The following ATP1A4 variants were observed in gnomAD, a reference collection of about 807,000 sequenced individuals.
ATP1A4 encodes the protein sodium/potassium-transporting ATPase subunit alpha-4.
A neutral mutation model predicts 114.3 loss-of-function variants in ATP1A4; 90 were observed. That is an observed-to-expected ratio of 0.79 (90% confidence interval 0.66 to 0.94). The LOEUF is 0.94. ATP1A4 is among the 40% of genes least tolerant of loss of function. The pLI is 0.00. For synonymous variants in ATP1A4, 511 were observed against 494.1 expected, an observed-to-expected ratio of 1.03 and a Z score of -0.45; for missense variants, 1,222 against 1,313.6, an observed-to-expected ratio of 0.93 and a Z score of 1.08.
chr1:160,169,173 T>A (rs1453608954), intron 10 of ATP1A4, among the ~76,000 whole-genome samples: 3 of 152,220 alleles, frequency 2.0e-5, no homozygotes, highest in African/African-American at 7.2e-5. Context: ...GTTTGCTGCC[T>A]TCCTTAGCTT....
At chr1:160,174,519 G>A (rs1653387829) in intron 14 of ATP1A4, 60 bp from the exon 15 acceptor site, 1 of 1,578,100 alleles carries the variant, frequency 6.3e-7, no homozygotes, top group Non-Finnish European at 8.6e-7. Flanking sequence ...ACTGATCTTT[G>A]GGACTAGTTC....
rs1177392027 is a variant in ATP1A4 at position 160,164,296 on chromosome 1, G to T, written c.919G>T (p.Ala307Ser). The T allele has an allele frequency of 1.2e-6, 2 of 1,614,074 alleles. No homozygotes were observed. The highest frequency in any genetic ancestry group is 1.7e-6 in the Non-Finnish European group (2 of 1,180,042). Residue 307 changes from alanine (A) to serine (S), a missense_variant, in exon 7 of 22, where the codon GCC becomes TCC. Ala to Ser is a moderately conservative substitution (Grantham distance 99). Transcript: ENST00000368081. Reference sequence around the variant, plus strand: ...CTTCATCCATCTGATCACTGTGGTGGCCGTCTTCCTTGGTGTCACTTTTTT... The same window carrying T: ...CTTCATCCATCTGATCACTGTGGTGTCCGTCTTCCTTGGTGTCACTTTTTT... ...EHFIHLITVV[A>S]VFLGVTFFAL...
chr1:160,164,707 C>G (rs1328944105), intron 7 of ATP1A4, among the ~76,000 whole-genome samples: 1 of 152,206 alleles, frequency 6.6e-6, no homozygotes, highest in African/African-American at 2.4e-5. Context: ...AATCACTTAA[C>G]ATCTCCAGAC....
chr1:160,180,459 T>G (rs576637437), intron 18 of ATP1A4, among the ~76,000 whole-genome samples: 1 of 152,314 alleles, frequency 6.6e-6, no homozygotes, highest in East Asian at 1.9e-4. Flanking sequence ...CATAGCCCTC[T>G]GCAGTCTCTC....
intron 4 of ATP1A4, among the ~76,000 whole-genome samples, chr1:160,158,065 C>T (rs927801382): frequency 6.6e-6 from 1 of 152,136 alleles, no homozygotes; most frequent in South Asian, 2.1e-4. Flanking sequence ...AGTGTTTGGG[C>T]AGTTTTGGAG....
intron 15 of ATP1A4, 91 bp downstream of exon 15, chr1:160,174,838 C>A: frequency 1.3e-6 from 2 of 1,566,800 alleles, no homozygotes; most frequent in Non-Finnish European, 8.7e-7. Context: ...TCCCATCATC[C>A]AACCTCCATG....
At chr1:160,158,921 C>A in intron 4 of ATP1A4, 81 bp from the exon 5 acceptor site, 1 of 1,466,820 alleles carries the variant, frequency 6.8e-7, no homozygotes, top group Non-Finnish European at 9.3e-7. Flanking sequence ...GGAGGGAGAC[C>A]AATAACAGAA....
chr1:160,172,808 G>C (rs950408329), intron 12 of ATP1A4, among the ~76,000 whole-genome samples: 1 of 152,134 alleles, frequency 6.6e-6, no homozygotes, highest in Admixed American at 6.6e-5. Flanking sequence ...CATGTGTGCT[G>C]GGAGGGACTT....
chr1:160,172,976 G>A (rs552850299), intron 12 of ATP1A4, among the ~76,000 whole-genome samples: 53 of 152,352 alleles, frequency 3.5e-4, no homozygotes, highest in African/African-American at 1.2e-3. Flanking sequence ...GTGGGGAAGA[G>A]AGATAAACAG....
chr1:160,177,629 T>C lies in ATP1A4; in HGVS notation c.2701T>C (p.Leu901=), dbSNP rs746046672. 5.0e-6 allele frequency: 8 copies of C among 1,614,144 alleles called. No homozygotes were observed. The Admixed American group carries it at 1.2e-4, about 24-fold the overall frequency. ...GIRLHWEDKY[L]NDLEDSYGQQ... is the part of the protein sequence containing the mutation. ...CCGCCTCCACTGGGAAGATAAATAC[T>C]TGAATGACCTGGAGGACAGCTACGG... is the stretch of plus-strand genomic sequence containing the variant. The change falls in exon 18 of 22, where the codon TTG becomes CTG. Residue 901 remains leucine, a synonymous_variant. Coordinates refer to ENST00000368081, the MANE Select transcript of ATP1A4 (RefSeq NM_144699.4).
intron 2 of ATP1A4, 45 bp from the exon 3 acceptor site, chr1:160,155,000 C>T (rs1460583833): frequency 1.3e-6 from 2 of 1,583,120 alleles, no homozygotes; most frequent in Non-Finnish European, 1.7e-6. Context: ...ATGGCTGTTC[C>T]TCTTTTCACA....
At chr1:160,167,542 A>T in intron 10 of ATP1A4, 130 bp downstream of exon 10, 1 of 1,270,430 alleles carries the variant, frequency 7.9e-7, no homozygotes, top group Non-Finnish European at 1.1e-6. Context: ...CTGCATCCCA[A>T]TTAACGGAAG....
intron 4 of ATP1A4, 55 bp downstream of exon 4, chr1:160,156,213 C>A: frequency 2.4e-6 from 3 of 1,236,204 alleles, no homozygotes; most frequent in Non-Finnish European, 3.6e-6. Flanking sequence ...TGGCCAAATA[C>A]ACAATGATGA....
intron 10 of ATP1A4, among the ~76,000 whole-genome samples, chr1:160,168,139 C>G (rs903653682): frequency 6.6e-6 from 1 of 152,180 alleles, no homozygotes; most frequent in East Asian, 1.9e-4. Context: ...AGGAAAGAGT[C>G]TTTCTCTCCA....
chr1:160,185,589 C>T (rs1018199431), intron 20 of ATP1A4, among the ~76,000 whole-genome samples: 13 of 151,862 alleles, frequency 8.6e-5, no homozygotes, highest in Admixed American at 5.9e-4. Flanking sequence ...AGTTCAAGAC[C>T]GGTCTGGGCA....
intron 4 of ATP1A4, among the ~76,000 whole-genome samples, chr1:160,156,607 G>A (rs966566754): frequency 2.0e-5 from 3 of 151,980 alleles, no homozygotes; most frequent in African/African-American, 7.3e-5. Flanking sequence ...GGGAGGCTGA[G>A]GCAACAGGAT....
chr1:160,152,989 C>T (rs1652510154), intron 1 of ATP1A4, among the ~76,000 whole-genome samples, 176 bp from the exon 2 acceptor site: 1 of 152,046 alleles, frequency 6.6e-6, no homozygotes, highest in African/African-American at 2.4e-5. Context: ...CGAAATCGCA[C>T]CACTGTACAC....
At chr1:160,174,350 G>A in intron 14 of ATP1A4, 89 bp downstream of exon 14, 1 of 1,558,714 alleles carries the variant, frequency 6.4e-7, no homozygotes, top group South Asian at 1.2e-5. Context: ...ATGTGGGCTG[G>A]GCTAGAGGAG....
chr1:160,176,404 T>C (rs1451677611), intron 16 of ATP1A4, 75 bp from the exon 17 acceptor site: 2 of 1,607,294 alleles, frequency 1.2e-6, no homozygotes, highest in African/African-American at 1.3e-5. Context: ...CAAGACAGAA[T>C]GGTAGAGCTT....
Sources: gnomAD v4.1 joint callset for allele counts (sites outside exome capture counted in the v4.1 genomes callset) on GRCh38, gnomAD v4.1.1 for gene constraint, MANE v1.5 for transcripts, NCBI Gene and HGNC (gene_info 2026-07-23, HGNC 2026-07-21) for gene names.